CCDC141: variants seen among roughly 807,000 people sequenced by gnomAD.
CCDC141 encodes coiled-coil domain containing 141.
Under a neutral mutation model 181.0 loss-of-function variants are expected in CCDC141, and 168 were observed. That is an observed-to-expected ratio of 0.93 (90% confidence interval 0.82 to 1.05). The LOEUF (loss-of-function observed/expected upper bound fraction) is 1.05. Among genes scored for constraint, CCDC141 ranks in the 50% least tolerant of loss-of-function variants. The pLI is 0.00. For missense variants in CCDC141, 1,902 were observed against 1,788.5 expected (o/e 1.06, Z -1.14); for synonymous variants, 666 against 642.3 (o/e 1.04, Z -0.56).
chr2:178,996,381 A>G (rs1692289167), intron 2 of CCDC141, among the ~76,000 whole-genome samples: 1 of 152,266 alleles, frequency 6.6e-6, no homozygotes, highest in Middle Eastern at 3.4e-3. Context: ...CCTGGCCAAA[A>G]TTGGAAAATT....
Position 179,010,579 on chromosome 2 carries a change from C to A in CCDC141, c.226-31904G>T, listed in dbSNP as rs576003901. On this transcript the variant is annotated intron_variant, in intron 2 of 23. Transcript: ENST00000443758. ...CTCGTATATGAAGGAAAGATACAGT[C>A]TTTTTCAGACAAGCACATGCTGAGA... Among the ~76,000 whole-genome samples the A allele has an allele frequency of 3.3e-5, 5 of 152,210 alleles. No homozygotes were observed. In the South Asian group the frequency reaches 8.4e-4, roughly 25 times the overall value.
chr2:178,965,542 A>G (rs766811129), intron 4 of CCDC141, among the ~76,000 whole-genome samples: 7 of 152,050 alleles, frequency 4.6e-5, no homozygotes, highest in Non-Finnish European at 8.8e-5. Context: ...TTTCTCCCCT[A>G]CCCAAGGGAA....
At chr2:178,883,221 C>A (rs1253593850) in intron 11 of CCDC141, among the ~76,000 whole-genome samples, 3 of 152,098 alleles carry the variant, frequency 2.0e-5, no homozygotes, top group African/African-American at 7.2e-5. Flanking sequence ...TATTCATCAA[C>A]AAGATAATTC....
chr2:178,890,905 TA>T (rs1558958852), intron 8 of CCDC141, among the ~76,000 whole-genome samples: 1 of 152,174 alleles, frequency 6.6e-6, no homozygotes, highest in Non-Finnish European at 1.5e-5. Flanking sequence ...TTAAGTGCAT[TA>T]GATGCATTAT....
At chr2:178,893,234 T>TC (rs397710039) in intron 8 of CCDC141, among the ~76,000 whole-genome samples, 5 of 151,596 alleles carry the variant, frequency 3.3e-5, no homozygotes, top group African/African-American at 1.2e-4. Flanking sequence ...TTTTTTTTTT[T>TC]CTCAAAGAGC....
chr2:178,845,313 C>A (rs930306767), intron 22 of CCDC141, among the ~76,000 whole-genome samples: 1 of 152,086 alleles, frequency 6.6e-6, no homozygotes, highest in South Asian at 2.1e-4. Context: ...ATGGAAAAGG[C>A]AGCTAGAGAT....
At chr2:178,879,493 G>T (rs552658645) in intron 11 of CCDC141, among the ~76,000 whole-genome samples, 1 of 152,166 alleles carries the variant, frequency 6.6e-6, no homozygotes, top group South Asian at 2.1e-4. Flanking sequence ...AGCCCAGAAT[G>T]ATCTTTCCTC....
chr2:178,833,137 A>G lies in CCDC141; in HGVS notation c.*1036T>C, dbSNP rs914213070. ...CTTTCCTCCATGGAACTAGTTGAAG[A>G]TTACATATTAACAGCACTCCTTTAA... On this transcript the variant is annotated 3_prime_UTR_variant, in exon 24 of 24. Coordinates refer to ENST00000443758, the MANE Select transcript of CCDC141 (RefSeq NM_173648.4). The G allele has an allele frequency of 6.6e-6, 1 of 152,164 alleles. No homozygotes were observed. The highest frequency in any genetic ancestry group is 1.5e-5 in the Non-Finnish European group (1 of 68,028). The allele number at this position is 152,164 out of a possible 1,614,324, so 9.4% of individuals were successfully genotyped here.
intron 1 of CCDC141, among the ~76,000 whole-genome samples, chr2:179,049,219 C>A (rs2043597512): frequency 6.6e-6 from 1 of 152,216 alleles, no homozygotes; most frequent in South Asian, 2.1e-4. Flanking sequence ...GTGGCTTCTA[C>A]TTCCTGCTGT....
intron 22 of CCDC141, among the ~76,000 whole-genome samples, chr2:178,842,992 G>C (rs1310396584): frequency 6.6e-6 from 1 of 152,086 alleles, no homozygotes; most frequent in Non-Finnish European, 1.5e-5. Flanking sequence ...GAGGGTAGAG[G>C]GGGAGTGCAG....
At position 178,832,256 on chromosome 2, in the gene CCDC141, T is replaced by G. The variant is rs1684276599; in HGVS notation, c.*1917A>C. 6.6e-6 allele frequency: 1 copy of G among 152,012 alleles called. No individual in the cohort carries two copies. The allele number at this position is 152,012 out of a possible 1,614,324, so 9.4% of individuals were successfully genotyped here. A position where few individuals can be genotyped will look rare whatever the true frequency, so the allele number is the denominator to read the frequency against. ...GAGGCCGGCTATGGTGGCTCATACC[T>G]GTAATCCTGGCACTTTGGGAGGCTG... On this transcript the variant is annotated 3_prime_UTR_variant, in exon 24 of 24. Transcript: ENST00000443758.
At chr2:178,977,760 G>C (rs946759074) in intron 3 of CCDC141, among the ~76,000 whole-genome samples, 1 of 152,014 alleles carries the variant, frequency 6.6e-6, no homozygotes, top group South Asian at 2.1e-4. Context: ...AAAATGAATG[G>C]GCTGCCACCT....
intron 2 of CCDC141, among the ~76,000 whole-genome samples, chr2:179,000,033 A>T (rs1211593983): frequency 6.7e-6 from 1 of 148,696 alleles, no homozygotes; most frequent in African/African-American, 2.5e-5. Context: ...TCATGATTCC[A>T]CTGCTCAGAG....
intron 6 of CCDC141, among the ~76,000 whole-genome samples, chr2:178,934,905 C>T (rs547739006): frequency 2.0e-5 from 3 of 152,202 alleles, no homozygotes; most frequent in South Asian, 2.1e-4. Context: ...CTATTCTGTG[C>T]CTCATATCCA....
At chr2:178,981,016 C>T (rs749085403) in intron 2 of CCDC141, among the ~76,000 whole-genome samples, 23 of 152,012 alleles carry the variant, frequency 1.5e-4, no homozygotes, top group Non-Finnish European at 1.9e-4. Flanking sequence ...ATGGGTGTTA[C>T]GTAATAATAA....
chr2:178,871,385 T>C, intron 14 of CCDC141, 42 bp downstream of exon 14: 1 of 1,590,702 alleles, frequency 6.3e-7, no homozygotes, highest in Non-Finnish European at 8.6e-7. Context: ...CAGTTTTAAG[T>C]ATTTTTTCCA....
chr2:179,043,754 G>A (rs370995747), intron 2 of CCDC141, among the ~76,000 whole-genome samples: 17 of 152,300 alleles, frequency 1.1e-4, no homozygotes, highest in African/African-American at 2.4e-4. Flanking sequence ...CATTCTCCTC[G>A]TATACCAGCA....
intron 17 of CCDC141, among the ~76,000 whole-genome samples, chr2:178,860,439 A>G (rs1685555141): frequency 6.7e-6 from 1 of 149,026 alleles, no homozygotes; most frequent in South Asian, 2.2e-4. Context: ...AGGCTGAGGC[A>G]GGAGAATTGC....
chr2:178,903,856 T>C (rs1476375331), intron 8 of CCDC141, among the ~76,000 whole-genome samples: 1 of 152,068 alleles, frequency 6.6e-6, no homozygotes, highest in Non-Finnish European at 1.5e-5. Flanking sequence ...AAATAACATC[T>C]GTCTGTGCTT....
Sources: allele counts gnomAD v4.1 joint callset (sites outside exome capture counted in the v4.1 genomes callset), GRCh38; gene constraint gnomAD v4.1.1; transcripts MANE v1.5; gene names NCBI Gene and HGNC (gene_info 2026-07-23, HGNC 2026-07-21).